Variants in POLR2B observed in about 807,000 individuals in gnomAD.
POLR2B encodes RNA polymerase II subunit B, also known as DNA-directed RNA polymerase II subunit RPB2.
A neutral mutation model predicts 144.6 loss-of-function variants in POLR2B; 57 were observed. The ratio of observed to expected loss-of-function variants is 0.39; its 90% CI spans 0.32 to 0.49. The LOEUF (loss-of-function observed/expected upper bound fraction) is 0.49. Among genes scored for constraint, POLR2B ranks in the 20% least tolerant of loss-of-function variants. The pLI, the probability that POLR2B is intolerant of heterozygous loss-of-function variation, is 0.83. For synonymous variants in POLR2B, 442 were observed against 469.8 expected, an observed-to-expected ratio of 0.94 and a Z score of 0.77; for missense variants, 595 against 1,467.4, an observed-to-expected ratio of 0.41 and a Z score of 9.71.
intron 7 of POLR2B, among the ~76,000 whole-genome samples, chr4:57,004,164 C>T (rs1444962291): frequency 6.6e-6 from 1 of 151,580 alleles, no homozygotes; most frequent in African/African-American, 2.4e-5. Context: ...GTAGCTGGGA[C>T]TGCAGGCACA....
At chr4:57,002,106 C>A (rs1376492121) in intron 7 of POLR2B, among the ~76,000 whole-genome samples, 4 of 152,196 alleles carry the variant, frequency 2.6e-5, no homozygotes, top group African/African-American at 9.7e-5. Context: ...CAGCTCACTG[C>A]AACCTCGACT....
chr4:56,985,647 C>G (rs1300430709), intron 1 of POLR2B, among the ~76,000 whole-genome samples: 1 of 152,142 alleles, frequency 6.6e-6, no homozygotes, highest in Non-Finnish European at 1.5e-5. Context: ...GGTGATCCAC[C>G]GACCTTGGCC....
intron 1 of POLR2B, among the ~76,000 whole-genome samples, chr4:56,982,287 C>G (rs1722179538): frequency 6.6e-6 from 1 of 151,794 alleles, no homozygotes; most frequent in South Asian, 2.1e-4. Context: ...CACATTTGGC[C>G]CTCTGTATCT....
intron 13 of POLR2B, among the ~76,000 whole-genome samples, chr4:57,015,078 A>G (rs1458388234): frequency 6.9e-6 from 1 of 144,532 alleles, no homozygotes; most frequent in Non-Finnish European, 1.6e-5. Context: ...TACGTCTGAT[A>G]GGTGGGTGTG....
Position 57,017,999 on chromosome 4 carries a change from T to C in POLR2B, c.2323+271T>C, listed in dbSNP as rs1351155833. ...TTCATGGAGAAGGTGGCATTTTAGATTGGAGCAAAATTGATGAAGGGGTAT... is the reference window on the plus strand; with the variant it reads ...TTCATGGAGAAGGTGGCATTTTAGACTGGAGCAAAATTGATGAAGGGGTAT... On this transcript the variant is annotated intron_variant, in intron 16 of 24. Coordinates refer to ENST00000314595, the MANE Select transcript of POLR2B (RefSeq NM_000938.3). The surrounding 1 kb of genome is among the most constrained non-coding windows in gnomAD (Gnocchi z 4.8). Among the ~76,000 whole-genome samples the C allele has an allele frequency of 6.6e-6, 1 of 152,116 alleles. No individual in the cohort carries two copies. The highest frequency in any genetic ancestry group is 1.5e-5 in the Non-Finnish European group (1 of 68,012).
intron 2 of POLR2B, among the ~76,000 whole-genome samples, chr4:56,986,964 TGCATTTACTTGTCATG>T (rs1722354436): frequency 1.3e-5 from 2 of 152,194 alleles, no homozygotes; most frequent in Non-Finnish European, 2.9e-5. Context: ...GATCACATAT[TGCATTTACTTGTCATG>T]GCATGTTCTT....
chr4:56,981,157 T>C (rs1018058369), intron 1 of POLR2B, among the ~76,000 whole-genome samples: 2 of 152,156 alleles, frequency 1.3e-5, no homozygotes, highest in Admixed American at 6.5e-5. Flanking sequence ...TTCTCTTTTT[T>C]TAAAGACAGT....
intron 13 of POLR2B, among the ~76,000 whole-genome samples, chr4:57,015,065 G>T (rs1455207701): frequency 1.3e-5 from 2 of 148,166 alleles, no homozygotes; most frequent in Non-Finnish European, 3.0e-5. Context: ...GAGCAGTCAG[G>T]CTTACGTCTG....
intron 5 of POLR2B, 109 bp from the exon 6 acceptor site, chr4:56,995,142 T>G (rs930771471): frequency 1.3e-6 from 1 of 789,744 alleles, no homozygotes; most frequent in African/African-American, 1.7e-5. Context: ...GAATTAAATA[T>G]TTCAGTGAGC....
chr4:57,016,702 T>C (rs1486340435), intron 14 of POLR2B, among the ~76,000 whole-genome samples: 1 of 150,132 alleles, frequency 6.7e-6, no homozygotes, highest in African/African-American at 2.4e-5. Flanking sequence ...TATAGTTATG[T>C]ATACTAATAT....
At chr4:57,026,908 A>G (rs1171860662) in intron 23 of POLR2B, among the ~76,000 whole-genome samples, 1 of 152,256 alleles carries the variant, frequency 6.6e-6, no homozygotes, top group Non-Finnish European at 1.5e-5. Context: ...GGATTCTTAC[A>G]TCTACTTCTG....
chr4:56,986,826 A>T (rs1306881225), intron 2 of POLR2B: 1 of 156,098 alleles, frequency 6.4e-6, no homozygotes, highest in East Asian at 1.9e-4. Context: ...CAGACATAAG[A>T]ACATTCTTTT....
rs1488404814 is a variant in POLR2B at position 56,996,278 on chromosome 4, A to ATAT, written c.735+870_735+871insATT. On this transcript the variant is annotated intron_variant, in intron 6 of 24. Transcript: ENST00000314595. ...TGTGTGTGTGTATATATATATATAT[A>ATAT]TTTTTTTTTTTTTTTTTTTTTGAGA... Among the ~76,000 whole-genome samples, 201 of 59,778 alleles carry ATAT rather than the reference A, an allele frequency of 3.4e-3. 12 individuals are homozygous for ATAT. The highest frequency in any genetic ancestry group is 5.5e-3 in the Non-Finnish European group (161 of 29,364). 39.2% of individuals were successfully genotyped at this position (59,778 alleles called of 152,430 possible).
At chr4:57,007,410 C>T (rs180781672) in intron 10 of POLR2B, among the ~76,000 whole-genome samples, 41 of 150,182 alleles carry the variant, frequency 2.7e-4, no homozygotes, top group Admixed American at 1.8e-3. Flanking sequence ...AGTGAGACTC[C>T]GTCTCAAAAA....
chr4:57,027,482 T>G (rs1441839289), intron 23 of POLR2B, among the ~76,000 whole-genome samples: 2 of 152,098 alleles, frequency 1.3e-5, no homozygotes, highest in Non-Finnish European at 2.9e-5. Context: ...ATTTTTTATA[T>G]TTTTTAGTAG....
chr4:56,992,324 G>T (rs1018858541), intron 3 of POLR2B, among the ~76,000 whole-genome samples: 19 of 151,018 alleles, frequency 1.3e-4, no homozygotes, highest in Admixed American at 1.1e-3. Context: ...AATTAGCCGG[G>T]TGTGGTGCCA....
At chr4:56,983,654 G>A (rs1052452678) in intron 1 of POLR2B, among the ~76,000 whole-genome samples, 1 of 152,068 alleles carries the variant, frequency 6.6e-6, no homozygotes, top group East Asian at 1.9e-4. Context: ...ACAAGCGTGA[G>A]CCACTGCGCC....
intron 13 of POLR2B, among the ~76,000 whole-genome samples, chr4:57,012,106 A>G (rs570909152): frequency 3.3e-5 from 5 of 152,124 alleles, no homozygotes; most frequent in South Asian, 4.1e-4. Context: ...TGGGTTTTAA[A>G]AAAATCATTA....
intron 14 of POLR2B, among the ~76,000 whole-genome samples, chr4:57,015,883 G>A (rs989184083): frequency 4.6e-5 from 7 of 151,884 alleles, no homozygotes; most frequent in Non-Finnish European, 1.0e-4. Context: ...CTCAACCACC[G>A]TAGTAGCTGG....
Sources: allele counts gnomAD v4.1 joint callset (sites outside exome capture counted in the v4.1 genomes callset), GRCh38; gene constraint gnomAD v4.1.1; non-coding constraint Gnocchi (gnomAD v3.1); transcripts MANE v1.5; gene names NCBI Gene and HGNC (gene_info 2026-07-23, HGNC 2026-07-21).